The following BCAS3 variants were observed in gnomAD, a reference collection of about 807,000 sequenced individuals.
The protein encoded by BCAS3 is BCAS3 microtubule associated cell migration factor.
BCAS3 carries 53 observed loss-of-function variants against 116.1 expected under a neutral mutation model. The observed-to-expected ratio is 0.46, with a 90% confidence interval of 0.37 to 0.57. The LOEUF is 0.57. BCAS3 is among the 20% of genes least tolerant of loss of function. BCAS3 has a pLI of 0.00. For synonymous variants in BCAS3, 391 were observed against 408.2 expected (o/e 0.96, Z 0.51); for missense variants, 917 against 1,165.4 (o/e 0.79, Z 3.10).
chr17:61,026,864 A>T lies in BCAS3; in HGVS notation c.1638-7802A>T. On this transcript the variant is annotated intron_variant, in intron 16 of 23. Transcript: ENST00000407086. The surrounding 1 kb of genome is among the most constrained non-coding windows in gnomAD (Gnocchi z 5.0). ...GTGCATTTTTCCCCCTTTTCCATGA[A>T]GGCCTTATCTCTTTGGAGCGGGGTG... 1 of 1,596,654 alleles carries T rather than the reference A, an allele frequency of 6.3e-7. No homozygotes were observed. Among genetic ancestry groups the T allele is most frequent in the Non-Finnish European group, 8.5e-7 (1 of 1,170,374 alleles).
Position 61,186,008 on chromosome 17 carries a change from G to T in BCAS3, c.2425+101444G>T, listed in dbSNP as rs8077544. Among the ~76,000 whole-genome samples the T allele has an allele frequency of 6.6e-6, 1 of 151,994 alleles. No homozygotes were observed. Among genetic ancestry groups the T allele is most frequent in the African/African-American group, 2.4e-5 (1 of 41,346 alleles). The stretch of plus-strand genomic sequence containing the variant: ...GTATACACAGAATTTAGTTTCATCC[G>T]TACATTTACTAAATAGTTCCTTAGG... On this transcript the variant is annotated intron_variant, in intron 22 of 23. Coordinates refer to ENST00000407086, the MANE Select transcript of BCAS3 (RefSeq NM_017679.5). The surrounding 1 kb of genome is among the most constrained non-coding windows in gnomAD (Gnocchi z 4.9).
In BCAS3 at chr17:61,327,922, C is replaced by A. The variant is rs2055873747; in HGVS notation, c.2426-40405C>A. On this transcript the variant is annotated intron_variant, in intron 22 of 23. Transcript: ENST00000407086. The surrounding 1 kb of genome is among the most constrained non-coding windows in gnomAD (Gnocchi z 5.9). ...GACACTGTTGGTGTAAATTGGTGCACCCTTTTTGGAAGGCAGTTTGGTAGT... is the reference window on the plus strand; with the variant it reads ...GACACTGTTGGTGTAAATTGGTGCAACCTTTTTGGAAGGCAGTTTGGTAGT... 6.6e-6 allele frequency among the ~76,000 whole-genome samples: 1 copy of A among 152,098 alleles called. No homozygotes were observed. Among genetic ancestry groups the A allele is most frequent in the Non-Finnish European group, 1.5e-5 (1 of 68,022 alleles).
At position 60,975,042 on chromosome 17, in the gene BCAS3, C is replaced by T. The variant is rs531582102; in HGVS notation, c.1222-14929C>T. On this transcript the variant is annotated intron_variant, in intron 14 of 23. Coordinates refer to ENST00000407086, the MANE Select transcript of BCAS3 (RefSeq NM_017679.5). ...CGGAGTCTCGCTCTGTCGCCCAGGCCGGACTGCGGACTGCAGTGGCGCAAT... is the reference window on the plus strand; with the variant it reads ...CGGAGTCTCGCTCTGTCGCCCAGGCTGGACTGCGGACTGCAGTGGCGCAAT... Among the ~76,000 whole-genome samples, 110 of 149,374 alleles carry T rather than the reference C, an allele frequency of 7.4e-4. 1 individual carries two copies. The highest frequency in any genetic ancestry group is 6.8e-3 in the East Asian group (35 of 5,154).
At chr17:60,942,427 C>G (rs185872802) in intron 13 of BCAS3, among the ~76,000 whole-genome samples, 4 of 151,926 alleles carry the variant, frequency 2.6e-5, no homozygotes, top group Non-Finnish European at 4.4e-5. Context: ...ACTCCCATCT[C>G]CAAACAAAAA....
chr17:61,018,819 G>A (rs2065674112), intron 16 of BCAS3, among the ~76,000 whole-genome samples: 1 of 152,000 alleles, frequency 6.6e-6, no homozygotes, highest in African/African-American at 2.4e-5. Context: ...ACAGTTATCA[G>A]AAGAAGAGAC....
At position 61,139,074 on chromosome 17, in the gene BCAS3, CAG is replaced by C. The variant is rs780911556; in HGVS notation, c.2425+54514_2425+54515del. ...TATTAGATCTAGAAAAAATTAGAGA[CAG>C]AGATGAATTTTTTATTCTTGGATTT... On this transcript the variant is annotated intron_variant, in intron 22 of 23. Transcript: ENST00000407086. This position sits in a 1 kb window ranked among gnomAD's most constrained non-coding sequence, Gnocchi z 4.7. Among the ~76,000 whole-genome samples the C allele has an allele frequency of 6.6e-5, 10 of 152,186 alleles. No homozygotes were observed. Among genetic ancestry groups the C allele is most frequent in the Admixed American group, 1.3e-4 (2 of 15,290 alleles).
Position 61,300,736 on chromosome 17 carries a change from C to G in BCAS3, c.2426-67591C>G, listed in dbSNP as rs1168517792. Among the ~76,000 whole-genome samples, 1 of 152,086 alleles carries G rather than the reference C, an allele frequency of 6.6e-6. No individual in the cohort carries two copies. Among genetic ancestry groups the G allele is most frequent in the African/African-American group, 2.4e-5 (1 of 41,410 alleles). ...CCCTCATCACCTACCACAGAAAGTT[C>G]AGAGAAGTTTTTATTTCATATCTGA... On this transcript the variant is annotated intron_variant, in intron 22 of 23. Transcript: ENST00000407086. The surrounding 1 kb of genome is among the most constrained non-coding windows in gnomAD (Gnocchi z 5.1).
chr17:60,991,556 A>G (rs2063526350), intron 15 of BCAS3, among the ~76,000 whole-genome samples: 1 of 152,190 alleles, frequency 6.6e-6, no homozygotes, highest in Admixed American at 6.5e-5. Context: ...ATGGGTGACC[A>G]TTTTAGGTTT....
chr17:60,933,749 A>T (rs896118282), intron 13 of BCAS3, among the ~76,000 whole-genome samples: 1 of 152,250 alleles, frequency 6.6e-6, no homozygotes, highest in Admixed American at 6.5e-5. Flanking sequence ...ACAGCATAAC[A>T]TAGCTTGAGA....
rs114091554 is a variant in BCAS3, at chr17:61,337,460, C to T, written c.2426-30867C>T. Among the ~76,000 whole-genome samples, 1,209 of 152,192 alleles carry T rather than the reference C, an allele frequency of 7.9e-3. 18 individuals are homozygous for T. The highest frequency in any genetic ancestry group is 0.028 in the African/African-American group (1,148 of 41,464). On this transcript the variant is annotated intron_variant, in intron 22 of 23. Coordinates refer to ENST00000407086, the MANE Select transcript of BCAS3 (RefSeq NM_017679.5). This position sits in a 1 kb window ranked among gnomAD's most constrained non-coding sequence, Gnocchi z 4.8. ...TCAGCTTGCAGCCTCTAGGAGGAGA[C>T]GCTTGGCTTTGCCCACAGCCCTCGG...
At chr17:61,127,158 G>A (rs1191124302) in intron 22 of BCAS3, among the ~76,000 whole-genome samples, 4 of 152,056 alleles carry the variant, frequency 2.6e-5, no homozygotes, top group African/African-American at 9.7e-5. Flanking sequence ...TTTGGTCTTC[G>A]CAAGTATCAG....
At chr17:60,709,415 G>C in intron 5 of BCAS3, 90 bp downstream of exon 5, 3 of 783,682 alleles carry the variant, frequency 3.8e-6, no homozygotes, top group Non-Finnish European at 6.3e-6. Context: ...TTTTGAGACA[G>C]AGTCTCACTC....
At chr17:60,834,887 T>C (rs7208732) in intron 7 of BCAS3, among the ~76,000 whole-genome samples, 33,252 of 151,896 alleles carry the variant, frequency 0.22, 4,698 homozygotes, top group African/African-American at 0.41. Context: ...AACCAACTTA[T>C]AAATTTTCCC....
In BCAS3 at chr17:61,079,688, T is replaced by G. The variant is rs564030036; in HGVS notation, c.2327+1159T>G. 3.3e-5 allele frequency among the ~76,000 whole-genome samples: 5 copies of G among 152,100 alleles called. No homozygotes were observed. The South Asian group carries it at 1.0e-3, about 32-fold the overall frequency. On this transcript the variant is annotated intron_variant, in intron 21 of 23. Transcript: ENST00000407086. ...TCTGCTCACTGCAACCTCTGTCTCC[T>G]GGGTTCAAGCAGTTCTCCTGCCTTA...
At position 61,226,547 on chromosome 17, in the gene BCAS3, G is replaced by A. The variant is rs995347804; in HGVS notation, c.2426-141780G>A. ...AGTTCTTATTGGAATTGTGTTGAAC[G>A]ACTCACTGCTATGAGCACCCAGTAT... On this transcript the variant is annotated intron_variant, in intron 22 of 23. Coordinates refer to ENST00000407086, the MANE Select transcript of BCAS3 (RefSeq NM_017679.5). This position sits in a 1 kb window ranked among gnomAD's most constrained non-coding sequence, Gnocchi z 6.0. 6.6e-6 allele frequency among the ~76,000 whole-genome samples: 1 copy of A among 152,126 alleles called. No homozygotes were observed. The highest frequency in any genetic ancestry group is 1.5e-5 in the Non-Finnish European group (1 of 68,028).
intron 12 of BCAS3, among the ~76,000 whole-genome samples, chr17:60,913,523 A>T (rs1599643360): frequency 6.6e-6 from 1 of 152,246 alleles, no homozygotes; most frequent in East Asian, 1.9e-4. Flanking sequence ...CAGTTGGAGT[A>T]CAGGCTGTTT....
chr17:60,690,648 C>T (rs982564962), intron 4 of BCAS3, among the ~76,000 whole-genome samples: 1 of 149,166 alleles, frequency 6.7e-6, no homozygotes, highest in Non-Finnish European at 1.5e-5. Context: ...GGGCTGAGCA[C>T]TTTGGCTCAT....
Position 61,026,486 on chromosome 17 carries a change from G to A in BCAS3, c.1638-8180G>A, listed in dbSNP as rs1167413831. On this transcript the variant is annotated intron_variant, in intron 16 of 23. Coordinates refer to ENST00000407086, the MANE Select transcript of BCAS3 (RefSeq NM_017679.5). The surrounding 1 kb of genome is among the most constrained non-coding windows in gnomAD (Gnocchi z 5.0). ...ATCGTTAGCTAATTTTAACCATTTT[G>A]TGTCACATAGCTACACATTTGTTGC... Among the ~76,000 whole-genome samples the A allele has an allele frequency of 2.0e-5, 3 of 151,896 alleles. No homozygotes were observed. Among genetic ancestry groups the A allele is most frequent in the Non-Finnish European group, 4.4e-5 (3 of 67,904 alleles).
intron 13 of BCAS3, among the ~76,000 whole-genome samples, chr17:60,928,138 A>C (rs1052051503): frequency 3.3e-5 from 5 of 152,162 alleles, no homozygotes; most frequent in Admixed American, 6.5e-5. Context: ...AATAAGAGAT[A>C]GTCCCTATGC....
Sources: allele counts gnomAD v4.1 joint callset (sites outside exome capture counted in the v4.1 genomes callset), GRCh38; gene constraint gnomAD v4.1.1; non-coding constraint Gnocchi (gnomAD v3.1); transcripts MANE v1.5; gene names NCBI Gene and HGNC (gene_info 2026-07-23, HGNC 2026-07-21).